Variants in SERPINI1 observed in about 807,000 individuals in gnomAD.
SERPINI1 encodes neuroserpin.
A neutral mutation model predicts 41.1 loss-of-function variants in SERPINI1; 19 were observed. The observed-to-expected ratio is 0.46, with a 90% CI of 0.32 to 0.68. The LOEUF (loss-of-function observed/expected upper bound fraction) is 0.68, where lower values mean the gene tolerates loss of function less well. Ranked by LOEUF, SERPINI1 falls within the 30% of genes least tolerant of loss-of-function variation. The probability of loss-of-function intolerance (pLI) is 0.03; values close to 1 mark genes in which losing one functional copy is unlikely to be tolerated. For synonymous variants in SERPINI1, 138 were observed against 156.6 expected (o/e 0.88, Z 0.89); for missense variants, 460 against 479.2 (o/e 0.96, Z 0.37).
At chr3:167,815,782 A>C (rs1487516419) in intron 6 of SERPINI1, among the ~76,000 whole-genome samples, 1 of 152,160 alleles carries the variant, frequency 6.6e-6, no homozygotes, top group African/African-American at 2.4e-5. Context: ...ACAGGTGTAG[A>C]CATTTGCTAT....
intron 1 of SERPINI1, among the ~76,000 whole-genome samples, chr3:167,749,163 T>C (rs1683422176): frequency 6.6e-6 from 1 of 152,202 alleles, no homozygotes; most frequent in Non-Finnish European, 1.5e-5. Flanking sequence ...ATTAAGGAAG[T>C]CAACTTTCAT....
At chr3:167,770,805 A>G (rs777364739) in intron 1 of SERPINI1, among the ~76,000 whole-genome samples, 3 of 152,200 alleles carry the variant, frequency 2.0e-5, no homozygotes, top group African/African-American at 2.4e-5. Context: ...CTCTTAAGCC[A>G]TCTGTTTCCC....
intron 5 of SERPINI1, among the ~76,000 whole-genome samples, chr3:167,799,504 CGT>C (rs1433970941): frequency 6.6e-6 from 1 of 152,026 alleles, no homozygotes; most frequent in Non-Finnish European, 1.5e-5. Flanking sequence ...AATAAACATA[CGT>C]GTGTGTGTGT....
Position 167,765,272 on chromosome 3 carries a change from C to T in SERPINI1, c.-18-23839C>T, listed in dbSNP as rs544153150. Among the ~76,000 whole-genome samples, 28 of 152,362 alleles carry T rather than the reference C, an allele frequency of 1.8e-4. No individual in the cohort carries two copies. In the South Asian group the frequency reaches 3.5e-3, roughly 19 times the overall value. ...GCAAACTTCTGCCTGGGCAATCAGG[C>T]GTTTGCATACATCTTCTGAAATCTA... On this transcript the variant is annotated intron_variant, in intron 1 of 8. Transcript: ENST00000446050.
At chr3:167,778,497 A>C (rs1194012715) in intron 1 of SERPINI1, among the ~76,000 whole-genome samples, 1 of 152,164 alleles carries the variant, frequency 6.6e-6, no homozygotes, top group Non-Finnish European at 1.5e-5. Flanking sequence ...AAGCTGAGTC[A>C]GTGTCTGTGT....
At chr3:167,749,425 A>G (rs764968397) in intron 1 of SERPINI1, among the ~76,000 whole-genome samples, 1 of 152,222 alleles carries the variant, frequency 6.6e-6, no homozygotes, top group Non-Finnish European at 1.5e-5. Flanking sequence ...ACCATTAACC[A>G]TACATGACAA....
intron 1 of SERPINI1, among the ~76,000 whole-genome samples, chr3:167,775,883 T>C (rs1202347704): frequency 6.6e-6 from 1 of 152,082 alleles, no homozygotes; most frequent in Non-Finnish European, 1.5e-5. Flanking sequence ...ATCCTTTTTG[T>C]ACAAGAAATT....
chr3:167,795,559 G>A (rs1476207496), intron 5 of SERPINI1, among the ~76,000 whole-genome samples: 1 of 152,072 alleles, frequency 6.6e-6, no homozygotes, highest in Non-Finnish European at 1.5e-5. Flanking sequence ...TCCCAAGATA[G>A]TGTTGCTTAG....
At chr3:167,790,112 A>C (rs1727449395) in intron 2 of SERPINI1, among the ~76,000 whole-genome samples, 1 of 152,222 alleles carries the variant, frequency 6.6e-6, no homozygotes, top group South Asian at 2.1e-4. Flanking sequence ...TTTGGAAGAA[A>C]ACAGTCTCTA....
In SERPINI1 at chr3:167,814,528, A is replaced by G. The variant is rs199627866; in HGVS notation, c.979+7187A>G. Among the ~76,000 whole-genome samples the G allele has an allele frequency of 1.6e-4, 24 of 152,330 alleles. No individual in the cohort carries two copies. In the East Asian group the frequency reaches 3.3e-3, roughly 21 times the overall value. On this transcript the variant is annotated intron_variant, in intron 6 of 8. Coordinates refer to ENST00000446050, the MANE Select transcript of SERPINI1 (RefSeq NM_001122752.2). The stretch of plus-strand genomic sequence containing the variant: ...CTCTCGTCATTTTGTTATTTTAAGC[A>G]TGCCGTTCATGACGCAGAAATCTAT...
intron 1 of SERPINI1, among the ~76,000 whole-genome samples, chr3:167,739,777 G>T (rs1725610253): frequency 6.6e-6 from 1 of 151,836 alleles, no homozygotes; most frequent in South Asian, 2.1e-4. Context: ...GTGTGGAGTT[G>T]GTCATTAGTT....
intron 1 of SERPINI1, among the ~76,000 whole-genome samples, chr3:167,748,752 C>CTGTG (rs34438429): frequency 0.12 from 16,926 of 143,426 alleles, 1,010 homozygotes; most frequent in Non-Finnish European, 0.15. Flanking sequence ...GTGTGTTACT[C>CTGTG]TGTGTGTGTG....
chr3:167,756,145 C>T (rs1441505866), intron 1 of SERPINI1, among the ~76,000 whole-genome samples: 4 of 152,104 alleles, frequency 2.6e-5, no homozygotes, highest in African/African-American at 7.2e-5. Flanking sequence ...AGATAAACTC[C>T]TCTACATTCC....
In SERPINI1 at chr3:167,785,070, G is replaced by A. The variant is rs112998180; in HGVS notation, c.-18-4041G>A. On this transcript the variant is annotated intron_variant, in intron 1 of 8. Coordinates refer to ENST00000446050, the MANE Select transcript of SERPINI1 (RefSeq NM_001122752.2). The stretch of plus-strand genomic sequence containing the variant: ...ATCCTGGCCAACATGGTGAAACCCC[G>A]TCTCTACTAAAAATACAAAAATTAG... Among the ~76,000 whole-genome samples the A allele has an allele frequency of 2.9e-3, 437 of 152,062 alleles. 3 individuals carry two copies. Among genetic ancestry groups the A allele is most frequent in the African/African-American group, 9.6e-3 (397 of 41,482 alleles).
At chr3:167,738,510 T>G (rs1027763483) in intron 1 of SERPINI1, among the ~76,000 whole-genome samples, 1 of 152,072 alleles carries the variant, frequency 6.6e-6, no homozygotes, top group Non-Finnish European at 1.5e-5. Flanking sequence ...AGAAAACTAC[T>G]TGAGAAACAC....
intron 1 of SERPINI1, among the ~76,000 whole-genome samples, chr3:167,745,057 T>A (rs535951906): frequency 7.5e-4 from 113 of 151,094 alleles, no homozygotes; most frequent in South Asian, 1.5e-3. Flanking sequence ...GAGAACACTA[T>A]GAACAATTGT....
intron 1 of SERPINI1, among the ~76,000 whole-genome samples, chr3:167,754,505 T>A (rs1369099851): frequency 1.3e-5 from 2 of 152,238 alleles, no homozygotes; most frequent in South Asian, 2.1e-4. Context: ...ATATGTACAC[T>A]GTTCAAATTT....
intron 1 of SERPINI1, among the ~76,000 whole-genome samples, chr3:167,764,131 A>G (rs1726480636): frequency 6.6e-6 from 1 of 152,208 alleles, no homozygotes; most frequent in African/African-American, 2.4e-5. Flanking sequence ...GAACAGCAAG[A>G]GAGCCACAAC....
In SERPINI1 at chr3:167,786,507, C is replaced by CAAAA. The variant is rs71176662; in HGVS notation, c.-18-2587_-18-2584dup. Among the ~76,000 whole-genome samples, 35 of 75,178 alleles carry CAAAA rather than the reference C, an allele frequency of 4.7e-4. 1 individual carries two copies. The highest frequency in any genetic ancestry group is 3.1e-3 in the South Asian group (5 of 1,592). The allele number at this position is 75,178 out of a possible 152,430, so 49.3% of individuals were successfully genotyped here. A position where few individuals can be genotyped will look rare whatever the true frequency, so the allele number is the denominator to read the frequency against. ...TGGGCGACAGAGGGAGACTCCGTCT[C>CAAAA]AAAAAAAAAAAAAAAAAAAAGACTT... is the stretch of plus-strand genomic sequence containing the variant. On this transcript the variant is annotated intron_variant, in intron 1 of 8. Transcript: ENST00000446050.
Sources: gnomAD v4.1 joint callset for allele counts (sites outside exome capture counted in the v4.1 genomes callset) on GRCh38, gnomAD v4.1.1 for gene constraint, MANE v1.5 for transcripts, NCBI Gene and HGNC (gene_info 2026-07-23, HGNC 2026-07-21) for gene names.